The following NALF1 variants were observed in gnomAD, a reference collection of about 807,000 sequenced individuals.
NALF1 encodes the protein family with sequence similarity 155 member A.
Under a neutral mutation model 48.4 loss-of-function variants are expected in NALF1, and 3 were observed. That is an observed-to-expected ratio of 0.06 (90% CI 0.03 to 0.16). The LOEUF is 0.16. NALF1 is among the 10% of genes least tolerant of loss of function. The probability of loss-of-function intolerance (pLI) is 1.00; values close to 1 mark genes in which losing one functional copy is unlikely to be tolerated. For missense variants in NALF1, 526 were observed against 571.5 expected (o/e 0.92, Z 0.81); for synonymous variants, 262 against 245.7 (o/e 1.07, Z -0.62).
chr13:107,728,086 G>C (rs1176014501), intron 1 of NALF1, among the ~76,000 whole-genome samples: 1 of 152,154 alleles, frequency 6.6e-6, no homozygotes, highest in Non-Finnish European at 1.5e-5. Context: ...CACTGTTGGT[G>C]GGAGTGTAAA....
chr13:107,535,585 A>T (rs1054081493), intron 1 of NALF1, among the ~76,000 whole-genome samples: 17 of 152,202 alleles, frequency 1.1e-4, no homozygotes, highest in African/African-American at 4.1e-4. Context: ...GAGGACACAA[A>T]CAAATGGAAG....
intron 1 of NALF1, among the ~76,000 whole-genome samples, chr13:107,286,601 A>G (rs182171603): frequency 3.1e-4 from 45 of 147,452 alleles, no homozygotes; most frequent in Admixed American, 6.8e-4. Context: ...AAAAAAAAAA[A>G]AAAGAAAGAA....
At chr13:107,259,470 C>G (rs1332108555) in intron 1 of NALF1, among the ~76,000 whole-genome samples, 1 of 152,102 alleles carries the variant, frequency 6.6e-6, no homozygotes, top group Non-Finnish European at 1.5e-5. Context: ...GTCCCCTGAG[C>G]CTGCTATCAT....
chr13:107,771,944 C>T (rs2138570877), intron 1 of NALF1, among the ~76,000 whole-genome samples: 1 of 152,186 alleles, frequency 6.6e-6, no homozygotes, highest in Middle Eastern at 3.4e-3. Flanking sequence ...ACCATGTTGG[C>T]CAGGATGGTA....
chr13:107,334,272 T>C (rs957667124), intron 1 of NALF1, among the ~76,000 whole-genome samples: 5 of 152,070 alleles, frequency 3.3e-5, no homozygotes, highest in Non-Finnish European at 7.3e-5. Context: ...CAGAATATGA[T>C]TATAAAAAAT....
chr13:107,538,539 T>C (rs1380362371), intron 1 of NALF1, among the ~76,000 whole-genome samples: 1 of 152,168 alleles, frequency 6.6e-6, no homozygotes, highest in Admixed American at 6.6e-5. Flanking sequence ...TATGATCTCA[T>C]AAATTCTGTT....
chr13:107,634,068 C>A (rs1024848879), intron 1 of NALF1, among the ~76,000 whole-genome samples: 6 of 151,764 alleles, frequency 4.0e-5, no homozygotes, highest in Non-Finnish European at 8.8e-5. Context: ...ACATGTATCA[C>A]GAATACTTTA....
intron 1 of NALF1, among the ~76,000 whole-genome samples, chr13:107,705,344 T>C (rs927649120): frequency 6.6e-6 from 1 of 152,122 alleles, no homozygotes; most frequent in African/African-American, 2.4e-5. Flanking sequence ...AAAAACAAAC[T>C]TGAATTGAAA....
chr13:107,720,510 CA>C (rs56380251), intron 1 of NALF1, among the ~76,000 whole-genome samples: 5,023 of 58,674 alleles, frequency 0.086, 88 homozygotes, highest in East Asian at 0.35. Flanking sequence ...GACTGCATCT[CA>C]AAAAAAAAAA....
intron 1 of NALF1, among the ~76,000 whole-genome samples, chr13:107,230,306 A>C (rs981419914): frequency 6.6e-6 from 1 of 152,208 alleles, no homozygotes; most frequent in African/African-American, 2.4e-5. Context: ...TATTCTACTC[A>C]TAAAAGGTAG....
rs903013727 is a variant in NALF1, at chr13:107,508,841, T to TA, written c.916-298087dup. ...AGGGCCAAACCAATCTTTCACTTAT[T>TA]AAAAAAAAAACAAAAACAACAAAAG... is the stretch of plus-strand genomic sequence containing the variant. On this transcript the variant is annotated intron_variant, in intron 1 of 2. Coordinates refer to ENST00000375915, the MANE Select transcript of NALF1 (RefSeq NM_001080396.3). Among the ~76,000 whole-genome samples the TA allele has an allele frequency of 1.9e-3, 283 of 146,900 alleles. 1 individual carries two copies. The highest frequency in any genetic ancestry group is 5.6e-3 in the African/African-American group (223 of 40,066).
chr13:107,852,589 A>C (rs1880346215), intron 1 of NALF1, among the ~76,000 whole-genome samples: 1 of 152,216 alleles, frequency 6.6e-6, no homozygotes, highest in African/African-American at 2.4e-5. Context: ...GATCATTTCG[A>C]GGAAATGCAT....
intron 1 of NALF1, among the ~76,000 whole-genome samples, chr13:107,472,958 CT>C (rs929348568): frequency 6.6e-6 from 1 of 152,200 alleles, no homozygotes; most frequent in Non-Finnish European, 1.5e-5. Context: ...TCTTTTGCTG[CT>C]TTTTTCCTTT....
intron 1 of NALF1, among the ~76,000 whole-genome samples, chr13:107,863,647 G>C (rs1251420543): frequency 6.6e-6 from 1 of 152,126 alleles, no homozygotes; most frequent in Non-Finnish European, 1.5e-5. Context: ...GTGCTTTTTT[G>C]TGCCTACAAT....
At chr13:107,796,163 T>A (rs1044933464) in intron 1 of NALF1, among the ~76,000 whole-genome samples, 14 of 152,300 alleles carry the variant, frequency 9.2e-5, no homozygotes, top group Non-Finnish European at 1.9e-4. Flanking sequence ...CTTAAATATA[T>A]TTCCCTCTTC....
At chr13:107,204,901 CA>C (rs67772880) in intron 2 of NALF1, among the ~76,000 whole-genome samples, 31,316 of 151,538 alleles carry the variant, frequency 0.21, 3,658 homozygotes, top group East Asian at 0.49. Context: ...TACGCATACG[CA>C]GGGGAAAATA....
intron 1 of NALF1, among the ~76,000 whole-genome samples, chr13:107,485,343 G>A (rs1038810221): frequency 2.0e-5 from 3 of 152,056 alleles, no homozygotes; most frequent in Admixed American, 1.3e-4. Flanking sequence ...TCAATACTTG[G>A]ATCCCATCAG....
chr13:107,737,735 G>A (rs374407538), intron 1 of NALF1, among the ~76,000 whole-genome samples: 6 of 152,114 alleles, frequency 3.9e-5, no homozygotes, highest in African/African-American at 7.2e-5. Context: ...TCTGCATTTC[G>A]TAGGAGCATA....
At position 107,611,983 on chromosome 13, in the gene NALF1, A is replaced by AAGAGG. The variant is rs529276071; in HGVS notation, c.915+253694_915+253698dup. ...GCACGAAGAAGAAAGAAGAGAAGAG[A>AAGAGG]AGAGGAGAGGAGAGGAGAGAGACAG... On this transcript the variant is annotated intron_variant, in intron 1 of 2. Transcript: ENST00000375915. Among the ~76,000 whole-genome samples, 211 of 142,496 alleles carry AAGAGG rather than the reference A, an allele frequency of 1.5e-3. 2 individuals carry two copies. The highest frequency in any genetic ancestry group is 4.5e-3 in the African/African-American group (167 of 37,472). The allele number at this position is 142,496 out of a possible 152,430, so 93.5% of individuals were successfully genotyped here.
Sources: allele counts gnomAD v4.1 joint callset (sites outside exome capture counted in the v4.1 genomes callset), GRCh38; gene constraint gnomAD v4.1.1; transcripts MANE v1.5; gene names NCBI Gene and HGNC (gene_info 2026-07-23, HGNC 2026-07-21).